The following FER1L6 variants were observed in gnomAD, a reference collection of about 807,000 sequenced individuals.
FER1L6 encodes fer-1 like family member 6, also known as fer-1-like protein 6.
Under a neutral mutation model 219.2 loss-of-function variants are expected in FER1L6, and 177 were observed. The observed-to-expected ratio is 0.81, with a 90% CI of 0.71 to 0.91. FER1L6 has a LOEUF of 0.91. Among genes scored for constraint, FER1L6 ranks in the 40% least tolerant of loss-of-function variants. The pLI is 0.00. For synonymous variants in FER1L6, 768 were observed against 824.3 expected, an observed-to-expected ratio of 0.93 and a Z score of 1.17; for missense variants, 2,153 against 2,259.9, an observed-to-expected ratio of 0.95 and a Z score of 0.96.
At chr8:124,088,100 G>A (rs974602003) in intron 33 of FER1L6, among the ~76,000 whole-genome samples, 2 of 152,070 alleles carry the variant, frequency 1.3e-5, no homozygotes, top group Non-Finnish European at 1.5e-5. Flanking sequence ...TCAATGGGTG[G>A]CAAATCCAGC....
intron 1 of FER1L6, among the ~76,000 whole-genome samples, chr8:123,885,478 C>T (rs997905608): frequency 1.9e-4 from 29 of 152,172 alleles, no homozygotes; most frequent in Admixed American, 5.9e-4. Context: ...TCTGTTTCTC[C>T]TCTAGCAGTA....
At chr8:124,107,459 C>T (rs549736027) in intron 39 of FER1L6, among the ~76,000 whole-genome samples, 9 of 152,162 alleles carry the variant, frequency 5.9e-5, no homozygotes, top group Non-Finnish European at 8.8e-5. Context: ...TACACAGTGG[C>T]GAATGGATGA....
intron 32 of FER1L6, among the ~76,000 whole-genome samples, chr8:124,079,521 T>C (rs552831140): frequency 3.2e-4 from 48 of 152,280 alleles, no homozygotes; most frequent in Admixed American, 2.7e-3. Flanking sequence ...CTGGAGACTA[T>C]AGTCAAGTAG....
At chr8:123,888,526 A>T (rs961301863) in intron 1 of FER1L6, among the ~76,000 whole-genome samples, 1 of 152,304 alleles carries the variant, frequency 6.6e-6, no homozygotes. Context: ...TTATGCTGCT[A>T]TTCTAAGCAG....
chr8:123,977,304 G>C (rs1158814628), intron 9 of FER1L6, 113 bp from the exon 10 acceptor site: 3 of 1,075,540 alleles, frequency 2.8e-6, no homozygotes, highest in Non-Finnish European at 4.1e-6. Flanking sequence ...GTGGGTGTCA[G>C]AAGCAGGTTC....
intron 1 of FER1L6, among the ~76,000 whole-genome samples, chr8:123,867,394 G>A (rs1426792565): frequency 1.3e-5 from 2 of 152,072 alleles, no homozygotes; most frequent in Non-Finnish European, 2.9e-5. Context: ...GTCTTCTATG[G>A]CCACATATTT....
intron 37 of FER1L6, among the ~76,000 whole-genome samples, chr8:124,100,588 G>A (rs1822505823): frequency 6.6e-6 from 1 of 152,174 alleles, no homozygotes; most frequent in African/African-American, 2.4e-5. Context: ...TCTAGGCCTA[G>A]AACCAGGGAG....
At chr8:124,001,936 T>C (rs1025071253) in intron 12 of FER1L6, among the ~76,000 whole-genome samples, 1 of 152,304 alleles carries the variant, frequency 6.6e-6, no homozygotes, top group East Asian at 1.9e-4. Context: ...CTTGGGAAGA[T>C]TCTCATACAT....
chr8:124,099,337 C>T (rs1343265235), intron 37 of FER1L6, among the ~76,000 whole-genome samples: 1 of 59,804 alleles, frequency 1.7e-5, no homozygotes, highest in Non-Finnish European at 4.7e-5. Context: ...CCAAAACAAT[C>T]CTACAACACT....
intron 1 of FER1L6, among the ~76,000 whole-genome samples, chr8:123,902,579 A>C (rs941655256): frequency 1.2e-4 from 19 of 152,042 alleles, no homozygotes; most frequent in African/African-American, 4.6e-4. Flanking sequence ...TGTCTCTTTT[A>C]ACTGTTGTTT....
At chr8:123,942,681 A>G (rs889928444) in intron 1 of FER1L6, among the ~76,000 whole-genome samples, 1 of 152,136 alleles carries the variant, frequency 6.6e-6, no homozygotes, top group South Asian at 2.1e-4. Flanking sequence ...CCTTTTATGT[A>G]TCTTAAAAGG....
chr8:124,020,191 G>A lies in FER1L6; in HGVS notation c.2014-1359G>A, dbSNP rs192902572. On this transcript the variant is annotated intron_variant, in intron 16 of 40. Coordinates refer to ENST00000522917, the MANE Select transcript of FER1L6 (RefSeq NM_001039112.2). Reference sequence around the variant, plus strand: ...CTGCCATCCATGTAAGACGTGACTTGCTCCTCCTTGCCTTCCCCATGATTC... The same window carrying A: ...CTGCCATCCATGTAAGACGTGACTTACTCCTCCTTGCCTTCCCCATGATTC... Among the ~76,000 whole-genome samples, 200 of 152,256 alleles carry A rather than the reference G, an allele frequency of 1.3e-3. 1 individual carries two copies. The highest frequency in any genetic ancestry group is 4.6e-3 in the African/African-American group (192 of 41,550).
intron 9 of FER1L6, among the ~76,000 whole-genome samples, chr8:123,976,434 G>A (rs893112608): frequency 6.6e-6 from 1 of 151,960 alleles, no homozygotes; most frequent in African/African-American, 2.4e-5. Context: ...GCTTGAACTT[G>A]AGAGGCGGAG....
rs540281394 is a variant in FER1L6 at position 123,998,182 on chromosome 8, G to A, written c.1520-4985G>A. On this transcript the variant is annotated intron_variant, in intron 12 of 40. Transcript: ENST00000522917. ...GCTTTCTAGATATTTGAAGGGACTTGGGAGTTGTGATCTAATCCTTTGGTT... is the reference window on the plus strand; with the variant it reads ...GCTTTCTAGATATTTGAAGGGACTTAGGAGTTGTGATCTAATCCTTTGGTT... Among the ~76,000 whole-genome samples, 96 of 152,230 alleles carry A rather than the reference G, an allele frequency of 6.3e-4. 1 individual carries two copies. The highest frequency in any genetic ancestry group is 1.0e-3 in the Non-Finnish European group (71 of 68,010).
chr8:123,907,137 T>G (rs1269760466), intron 1 of FER1L6, among the ~76,000 whole-genome samples: 3 of 152,206 alleles, frequency 2.0e-5, no homozygotes, highest in Non-Finnish European at 4.4e-5. Flanking sequence ...CCTAGATGAC[T>G]GTACTAGGAC....
At chr8:123,969,479 C>T (rs1815698689) in intron 5 of FER1L6, among the ~76,000 whole-genome samples, 1 of 152,086 alleles carries the variant, frequency 6.6e-6, no homozygotes, top group South Asian at 2.1e-4. Flanking sequence ...AGAGAGATGG[C>T]TATTTTCATG....
At chr8:124,038,127 T>A (rs890567380) in intron 19 of FER1L6, among the ~76,000 whole-genome samples, 1 of 152,210 alleles carries the variant, frequency 6.6e-6, no homozygotes, top group African/African-American at 2.4e-5. Flanking sequence ...AGACTCTAGA[T>A]AAACTGGACT....
chr8:124,071,460 G>A (rs754259663), intron 30 of FER1L6, 46 bp from the exon 31 acceptor site: 1 of 1,609,154 alleles, frequency 6.2e-7, no homozygotes, highest in Non-Finnish European at 8.5e-7. Flanking sequence ...GTTTTGGTGG[G>A]ACATATGACC....
Position 123,855,780 on chromosome 8 carries a change from GTGTGTGTGTATA to G in FER1L6, c.-8+3597_-8+3608del, listed in dbSNP as rs1227165904. 6.0e-3 allele frequency among the ~76,000 whole-genome samples: 869 copies of G among 144,274 alleles called. 8 individuals are homozygous for G. The highest frequency in any genetic ancestry group is 0.023 in the African/African-American group (825 of 36,510). 94.6% of individuals were successfully genotyped at this position (144,274 alleles called of 152,430 possible). On this transcript the variant is annotated intron_variant, in intron 1 of 40. Transcript: ENST00000522917. ...TATATATGTGTGTGTATATATATGT[GTGTGTGTGTATA>G]TATATATATATGTGTATATATATCA...
Sources: gnomAD v4.1 joint callset for allele counts (sites outside exome capture counted in the v4.1 genomes callset) on GRCh38, gnomAD v4.1.1 for gene constraint, MANE v1.5 for transcripts, NCBI Gene and HGNC (gene_info 2026-07-23, HGNC 2026-07-21) for gene names.